C8orf34: variants seen among roughly 807,000 people sequenced by gnomAD.
C8orf34 encodes the protein chromosome 8 open reading frame 34, also known as uncharacterized protein C8orf34.
Under a neutral mutation model 68.3 loss-of-function variants are expected in C8orf34, and 65 were observed. The ratio of observed to expected loss-of-function variants is 0.95; its 90% CI spans 0.78 to 1.17. The LOEUF is 1.17. C8orf34 is among the 50% of genes most tolerant of loss of function. C8orf34 has a pLI of 0.00. For missense variants in C8orf34, 664 were observed against 655.4 expected, an observed-to-expected ratio of 1.01 and a Z score of -0.14; for synonymous variants, 244 against 241.2, an observed-to-expected ratio of 1.01 and a Z score of -0.11.
chr8:68,608,774 G>A (rs990790738), intron 7 of C8orf34, among the ~76,000 whole-genome samples: 2 of 152,032 alleles, frequency 1.3e-5, no homozygotes, highest in African/African-American at 4.8e-5. Context: ...TAAGAAATAA[G>A]GAGAAGAGTT....
intron 7 of C8orf34, among the ~76,000 whole-genome samples, chr8:68,639,010 A>G (rs1323351227): frequency 6.6e-6 from 1 of 152,102 alleles, no homozygotes; most frequent in African/African-American, 2.4e-5. Context: ...TCTAGTGGTG[A>G]ACAGTAATGT....
At chr8:68,354,836 A>G (rs1405330801) in intron 1 of C8orf34, among the ~76,000 whole-genome samples, 1 of 152,066 alleles carries the variant, frequency 6.6e-6, no homozygotes, top group Non-Finnish European at 1.5e-5. Flanking sequence ...TTCGTGCTTC[A>G]TTGTGCATCT....
intron 12 of C8orf34, 114 bp downstream of exon 12, chr8:68,787,650 A>G: frequency 1.6e-6 from 1 of 639,844 alleles, no homozygotes; most frequent in Non-Finnish European, 2.6e-6. Flanking sequence ...AAAAATCCAG[A>G]CTCTGTTAGG....
intron 5 of C8orf34, among the ~76,000 whole-genome samples, chr8:68,511,432 G>A (rs1164428537): frequency 6.6e-6 from 1 of 152,150 alleles, no homozygotes; most frequent in Non-Finnish European, 1.5e-5. Context: ...GGGGCAGTGA[G>A]TAGTTTGGCG....
intron 8 of C8orf34, among the ~76,000 whole-genome samples, chr8:68,694,336 A>T (rs1220879927): frequency 6.6e-6 from 1 of 152,096 alleles, no homozygotes; most frequent in Non-Finnish European, 1.5e-5. Flanking sequence ...AATGATGACA[A>T]TTTGGTTGAA....
At chr8:68,737,786 C>A (rs1306437775) in intron 10 of C8orf34, among the ~76,000 whole-genome samples, 1 of 152,038 alleles carries the variant, frequency 6.6e-6, no homozygotes, top group Non-Finnish European at 1.5e-5. Flanking sequence ...TTCTGAGAGA[C>A]CTTCAAAGCA....
intron 9 of C8orf34, among the ~76,000 whole-genome samples, chr8:68,712,470 T>A (rs970067419): frequency 6.6e-6 from 1 of 152,148 alleles, no homozygotes; most frequent in Admixed American, 6.5e-5. Context: ...AGGACTCATA[T>A]AAACTTAAGG....
chr8:68,453,852 T>C (rs147321053), intron 3 of C8orf34, among the ~76,000 whole-genome samples: 253 of 152,146 alleles, frequency 1.7e-3, no homozygotes, highest in African/African-American at 5.5e-3. Flanking sequence ...TTTCTCATTA[T>C]TCATCTTAAG....
chr8:68,545,968 A>C (rs1169829018), intron 7 of C8orf34, among the ~76,000 whole-genome samples: 1 of 152,140 alleles, frequency 6.6e-6, no homozygotes, highest in Non-Finnish European at 1.5e-5. Flanking sequence ...TACAGTGCTA[A>C]AGCTTCTACA....
At chr8:68,566,353 T>C (rs1321505682) in intron 7 of C8orf34, among the ~76,000 whole-genome samples, 1 of 152,122 alleles carries the variant, frequency 6.6e-6, no homozygotes, top group Non-Finnish European at 1.5e-5. Context: ...TGTTGTTCCG[T>C]TCTTTGTGTT....
chr8:68,340,777 A>G lies in C8orf34; in HGVS notation c.327+9438A>G, dbSNP rs78141778. On this transcript the variant is annotated intron_variant, in intron 1 of 13. Transcript: ENST00000518698. ...ACACTGTCTTCCAGAAGAGGAGGAA[A>G]TACTTCCCAGTTTATTTTATGAAGC... Among the ~76,000 whole-genome samples the G allele has an allele frequency of 7.9e-3, 1,198 of 152,330 alleles. 19 individuals are homozygous for G. The highest frequency in any genetic ancestry group is 0.027 in the African/African-American group (1,102 of 41,572).
chr8:68,460,713 A>C lies in C8orf34; in HGVS notation c.608-7979A>C, dbSNP rs549015792. Reference sequence around the variant, plus strand: ...GGAGTGGACCTCTAGCAAACTCCAAAAGACCTGCAGCTGAGGGTCCTGTCT... The same window carrying C: ...GGAGTGGACCTCTAGCAAACTCCAACAGACCTGCAGCTGAGGGTCCTGTCT... On this transcript the variant is annotated intron_variant, in intron 3 of 13. Coordinates refer to ENST00000518698, the MANE Select transcript of C8orf34 (RefSeq NM_052958.4). Among the ~76,000 whole-genome samples the C allele has an allele frequency of 2.2e-3, 328 of 152,288 alleles. 1 individual carries two copies. Among genetic ancestry groups the C allele is most frequent in the African/African-American group, 7.1e-3 (294 of 41,568 alleles).
chr8:68,493,244 A>G (rs997446543), intron 5 of C8orf34, among the ~76,000 whole-genome samples: 4 of 152,176 alleles, frequency 2.6e-5, no homozygotes, highest in African/African-American at 9.7e-5. Context: ...ATAAGAAGTT[A>G]GTGTCCAGAA....
At chr8:68,429,032 G>C (rs1484164819) in intron 1 of C8orf34, among the ~76,000 whole-genome samples, 1 of 151,918 alleles carries the variant, frequency 6.6e-6, no homozygotes, top group South Asian at 2.1e-4. Flanking sequence ...ATGAGATAGA[G>C]GATTTTAAAA....
chr8:68,550,050 T>G (rs1391722706), intron 7 of C8orf34, among the ~76,000 whole-genome samples: 1 of 151,838 alleles, frequency 6.6e-6, no homozygotes, highest in Non-Finnish European at 1.5e-5. Context: ...TGGCAAACTC[T>G]TTTAATAAGC....
At chr8:68,627,334 C>A (rs894360191) in intron 7 of C8orf34, among the ~76,000 whole-genome samples, 2 of 152,134 alleles carry the variant, frequency 1.3e-5, no homozygotes, top group Admixed American at 6.5e-5. Context: ...AACAACTCCT[C>A]CTCTGACGTT....
intron 12 of C8orf34, among the ~76,000 whole-genome samples, chr8:68,799,334 C>T (rs1824265495): frequency 1.3e-5 from 2 of 152,134 alleles, no homozygotes; most frequent in African/African-American, 4.8e-5. Flanking sequence ...TATAGGTCAG[C>T]CTTATATCAG....
chr8:68,467,314 T>C (rs1339738176), intron 3 of C8orf34, among the ~76,000 whole-genome samples: 1 of 152,112 alleles, frequency 6.6e-6, no homozygotes, highest in Admixed American at 6.6e-5. Flanking sequence ...TTGACAGTTC[T>C]CTTGCTTTTC....
chr8:68,777,142 GT>G (rs1823542466), intron 11 of C8orf34, among the ~76,000 whole-genome samples: 1 of 152,200 alleles, frequency 6.6e-6, no homozygotes, highest in Non-Finnish European at 1.5e-5. Flanking sequence ...GTTTGGTGAT[GT>G]TAAGAACCGC....
Sources: gnomAD v4.1 joint callset for allele counts (sites outside exome capture counted in the v4.1 genomes callset) on GRCh38, gnomAD v4.1.1 for gene constraint, MANE v1.5 for transcripts, NCBI Gene and HGNC (gene_info 2026-07-23, HGNC 2026-07-21) for gene names.